Variants in ASCC3 observed in about 807,000 individuals in gnomAD.
ASCC3 encodes activating signal cointegrator 1 complex subunit 3.
A neutral mutation model predicts 256.3 loss-of-function variants in ASCC3; 158 were observed. The observed-to-expected ratio is 0.62, with a 90% confidence interval of 0.54 to 0.70. The LOEUF is 0.70. ASCC3 is among the 30% of genes least tolerant of loss of function. The probability of loss-of-function intolerance (pLI) is 0.00; values close to 1 mark genes in which losing one functional copy is unlikely to be tolerated. For missense variants in ASCC3, 2,259 were observed against 2,626.0 expected (o/e 0.86, Z 3.05); for synonymous variants, 948 against 883.4 (o/e 1.07, Z -1.30).
chr6:100,782,241 TTGTTATCGGTGCTTTTAAAGAATAGAAA>T (rs1782486449), intron 8 of ASCC3, among the ~76,000 whole-genome samples: 1 of 152,150 alleles, frequency 6.6e-6, no homozygotes. Flanking sequence ...ATTTAGTGGA[TTGTTATCGGTGCTTTTAAAGAATAGAAA>T]AGAAAAAGGA....
chr6:100,634,453 G>A (rs1272273681), intron 25 of ASCC3, among the ~76,000 whole-genome samples: 2 of 151,942 alleles, frequency 1.3e-5, no homozygotes, highest in Admixed American at 1.3e-4. Context: ...CATCCATCGG[G>A]GTTTTGGAAT....
chr6:100,616,184 C>T (rs752596073), intron 30 of ASCC3, among the ~76,000 whole-genome samples: 1 of 152,104 alleles, frequency 6.6e-6, no homozygotes, highest in South Asian at 2.1e-4. Flanking sequence ...AGAATCTCCA[C>T]CAAATCTGAA....
At chr6:100,778,103 G>GAAAA (rs34451852) in intron 8 of ASCC3, among the ~76,000 whole-genome samples, 1 of 147,142 alleles carries the variant, frequency 6.8e-6, no homozygotes, top group East Asian at 2.0e-4. Context: ...TAAGATGGTG[G>GAAAA]AAAAAAAAAA....
At chr6:100,619,089 C>A (rs916060825) in intron 30 of ASCC3, among the ~76,000 whole-genome samples, 1 of 152,154 alleles carries the variant, frequency 6.6e-6, no homozygotes, top group Non-Finnish European at 1.5e-5. Flanking sequence ...AGCCTCTGAA[C>A]TAGTAATCAT....
At chr6:100,829,486 G>C (rs973278351) in intron 4 of ASCC3, among the ~76,000 whole-genome samples, 1 of 152,130 alleles carries the variant, frequency 6.6e-6, no homozygotes, top group African/African-American at 2.4e-5. Flanking sequence ...TTCTGAGTGC[G>C]GGGCCCACCG....
chr6:100,681,754 A>C (rs1340340849), intron 13 of ASCC3, among the ~76,000 whole-genome samples: 1 of 150,982 alleles, frequency 6.6e-6, no homozygotes, highest in East Asian at 1.9e-4. Flanking sequence ...AAAAGAAAAG[A>C]ATATTTTAAA....
At chr6:100,629,900 T>C (rs1328690726) in intron 26 of ASCC3, among the ~76,000 whole-genome samples, 2 of 152,020 alleles carry the variant, frequency 1.3e-5, no homozygotes, top group East Asian at 1.9e-4. Flanking sequence ...TAATTTCTTT[T>C]CTTTCTTTTT....
intron 25 of ASCC3, among the ~76,000 whole-genome samples, chr6:100,638,103 C>G (rs1319198154): frequency 6.6e-6 from 1 of 152,046 alleles, no homozygotes; most frequent in African/African-American, 2.4e-5. Flanking sequence ...ATCAATGTGG[C>G]AAACTTCATT....
intron 10 of ASCC3, among the ~76,000 whole-genome samples, chr6:100,750,353 G>GT (rs1780883454): frequency 6.6e-6 from 1 of 152,020 alleles, no homozygotes; most frequent in African/African-American, 2.4e-5. Context: ...ATGCCCTTAT[G>GT]TTTTTGTGGA....
chr6:100,635,834 T>C (rs773833115), intron 25 of ASCC3, among the ~76,000 whole-genome samples: 1 of 152,182 alleles, frequency 6.6e-6, no homozygotes, highest in Non-Finnish European at 1.5e-5. Context: ...GTAGAAGTCA[T>C]ATAAAAGCTA....
intron 14 of ASCC3, among the ~76,000 whole-genome samples, chr6:100,678,688 A>G (rs1212277559): frequency 6.6e-6 from 1 of 152,116 alleles, no homozygotes; most frequent in African/African-American, 2.4e-5. Flanking sequence ...TTTTATGCCA[A>G]CAGATTTTTT....
intron 14 of ASCC3, among the ~76,000 whole-genome samples, chr6:100,670,763 G>T (rs1408364414): frequency 6.6e-6 from 1 of 151,878 alleles, no homozygotes; most frequent in East Asian, 1.9e-4. Flanking sequence ...AGGCAGTTTA[G>T]GGCCACTCAT....
At chr6:100,769,331 A>G (rs770307988) in intron 8 of ASCC3, among the ~76,000 whole-genome samples, 22 of 152,038 alleles carry the variant, frequency 1.4e-4, no homozygotes, top group Non-Finnish European at 3.1e-4. Flanking sequence ...ACAAATAATA[A>G]TATATATTTC....
chr6:100,551,262 C>T (rs1185801923), intron 36 of ASCC3, among the ~76,000 whole-genome samples: 2 of 151,936 alleles, frequency 1.3e-5, no homozygotes, highest in Non-Finnish European at 2.9e-5. Context: ...TGACTCTCTG[C>T]TTTTATGAAG....
intron 4 of ASCC3, among the ~76,000 whole-genome samples, chr6:100,844,903 G>A (rs2114495302): frequency 6.6e-6 from 1 of 152,176 alleles, no homozygotes; most frequent in South Asian, 2.1e-4. Flanking sequence ...GTCTAAAACA[G>A]GAGAACATAG....
At chr6:100,863,917 C>T (rs1228293132) in intron 3 of ASCC3, 147 bp downstream of exon 3, 9 of 761,122 alleles carry the variant, frequency 1.2e-5, no homozygotes, top group Non-Finnish European at 1.4e-5. Context: ...GCCACCGCGC[C>T]TGGCCAGGAC....
At chr6:100,567,218 C>T (rs1049918575) in intron 36 of ASCC3, among the ~76,000 whole-genome samples, 1 of 151,830 alleles carries the variant, frequency 6.6e-6, no homozygotes, top group Non-Finnish European at 1.5e-5. Context: ...TATTGGTGTA[C>T]ATTCATCTAA....
chr6:100,585,443 G>A (rs1417530004), intron 36 of ASCC3, among the ~76,000 whole-genome samples: 1 of 152,032 alleles, frequency 6.6e-6, no homozygotes, highest in Non-Finnish European at 1.5e-5. Context: ...GCTCCTTTAA[G>A]CACTTCTCTG....
intron 35 of ASCC3, 68 bp downstream of exon 35, chr6:100,589,880 T>A: frequency 6.3e-7 from 1 of 1,592,648 alleles, no homozygotes; most frequent in Non-Finnish European, 8.6e-7. Flanking sequence ...TTGATAGTAT[T>A]AAAAGCAAAA....
Sources: gnomAD v4.1 joint callset for allele counts (sites outside exome capture counted in the v4.1 genomes callset) on GRCh38, gnomAD v4.1.1 for gene constraint, MANE v1.5 for transcripts, NCBI Gene and HGNC (gene_info 2026-07-23, HGNC 2026-07-21) for gene names.